Variants in SLC30A10 observed in about 807,000 individuals in gnomAD.
SLC30A10 encodes calcium/manganese antiporter SLC30A10.
Under a neutral mutation model 21.7 loss-of-function variants are expected in SLC30A10, and 8 were observed. That is an observed-to-expected ratio of 0.37 (90% confidence interval 0.22 to 0.67). SLC30A10 has a LOEUF of 0.67. Ranked by LOEUF, SLC30A10 falls within the 30% of genes least tolerant of loss-of-function variation. SLC30A10 has a pLI of 0.58. For synonymous variants in SLC30A10, 272 were observed against 279.4 expected, an observed-to-expected ratio of 0.97 and a Z score of 0.26; for missense variants, 521 against 642.5, an observed-to-expected ratio of 0.81 and a Z score of 2.04.
In SLC30A10 at chr1:219,915,224, C is replaced by T. The variant is rs568661768; in HGVS notation, c.*225G>A. ...TAGAAAATGCATGTTCAAGCTGAAA[C>T]AGTCAAAGAGCAGCATGAGACACCC... On this transcript the variant is annotated 3_prime_UTR_variant, in exon 4 of 4. Transcript: ENST00000366926. 3 of 570,728 alleles carry T rather than the reference C, an allele frequency of 5.3e-6. No individual in the cohort carries two copies. Among genetic ancestry groups the T allele is most frequent in the African/African-American group, 3.7e-5 (2 of 53,494 alleles). 35.4% of individuals were successfully genotyped at this position (570,728 alleles called of 1,614,324 possible).
intron 3 of SLC30A10, 116 bp from the exon 4 acceptor site, chr1:219,916,064 C>T (rs1229059529): frequency 2.1e-5 from 27 of 1,315,540 alleles, no homozygotes; most frequent in Non-Finnish European, 2.5e-5. Context: ...CTACTTACTA[C>T]GAACAGCTGG....
At chr1:219,948,892 C>CA (rs1324344107) in intron 1 of SLC30A10, among the ~76,000 whole-genome samples, 1 of 152,144 alleles carries the variant, frequency 6.6e-6, no homozygotes, top group Non-Finnish European at 1.5e-5. Context: ...CCAGAATCTA[C>CA]AAAAAACTCT....
rs1186812036 is a variant in SLC30A10, at chr1:219,915,857, G to A, written c.1050C>T (p.His350=). The change falls in exon 4 of 4, where the codon CAC becomes CAT. Residue 350 remains histidine (H), a synonymous_variant. Coordinates refer to ENST00000366926, the MANE Select transcript of SLC30A10 (RefSeq NM_018713.3). The part of the protein sequence containing the change: ...LVSGKIIATL[H]IKYPKDRGYQ... The stretch of plus-strand genomic sequence containing the variant: ...ATCCCCTGTCCTTAGGATACTTGAT[G>A]TGCAGGGTGGCAATAATCTTTCCAC... 3.1e-6 allele frequency: 5 copies of A among 1,614,090 alleles called. No homozygotes were observed. In the African/African-American group the frequency reaches 5.3e-5, roughly 17 times the overall value.
intron 2 of SLC30A10, among the ~76,000 whole-genome samples, chr1:219,926,381 T>C (rs1409492408): frequency 6.6e-6 from 1 of 152,228 alleles, no homozygotes; most frequent in African/African-American, 2.4e-5. Flanking sequence ...GCAAAGTCTA[T>C]GCCCAAGAAG....
chr1:219,930,110 C>T (rs1406543840), upstream of SLC30A10, among the ~76,000 whole-genome samples: 1 of 151,918 alleles, frequency 6.6e-6, no homozygotes, highest in Non-Finnish European at 1.5e-5. Context: ...GAAGAATACA[C>T]ATGTAGTTTT....
intron 2 of SLC30A10, among the ~76,000 whole-genome samples, chr1:219,923,263 C>T (rs1659739504): frequency 6.6e-6 from 1 of 152,196 alleles, no homozygotes; most frequent in Non-Finnish European, 1.5e-5. Context: ...ACTCAATCAC[C>T]TGCTAAGTTA....
intron 1 of SLC30A10, among the ~76,000 whole-genome samples, chr1:219,941,848 C>T (rs1660127099): frequency 1.3e-5 from 2 of 152,186 alleles, no homozygotes; most frequent in South Asian, 4.1e-4. Context: ...CAATGTCACT[C>T]GCTGGGAAAG....
rs1659495263 is a variant in SLC30A10 at position 219,914,843 on chromosome 1, T to C, written c.*606A>G. ...TCTCTCACCTCACAAAATGTAGAGA[T>C]GGCCAACGCCCTCCTACTAACCTTT... is the stretch of plus-strand genomic sequence containing the variant. On this transcript the variant is annotated 3_prime_UTR_variant, in exon 4 of 4. Transcript: ENST00000366926. The C allele has an allele frequency of 6.6e-6, 1 of 152,336 alleles. No homozygotes were observed. The highest frequency in any genetic ancestry group is 2.4e-5 in the African/African-American group (1 of 41,474). 9.4% of individuals were successfully genotyped at this position (152,336 alleles called of 1,614,324 possible).
intron 2 of SLC30A10, among the ~76,000 whole-genome samples, chr1:219,926,765 T>C (rs912411910): frequency 2.6e-5 from 4 of 152,180 alleles, no homozygotes; most frequent in Admixed American, 6.6e-5. Flanking sequence ...CCAAGTAAAG[T>C]AGTAACACAA....
chr1:219,956,830 A>G (rs1037027190), intron 1 of SLC30A10, among the ~76,000 whole-genome samples: 1 of 152,180 alleles, frequency 6.6e-6, no homozygotes, highest in Non-Finnish European at 1.5e-5. Flanking sequence ...ATTTTATAAA[A>G]ATAGAACTAT....
At chr1:219,922,174 G>GTGTGTGTTTTTGT (rs1558252048) in intron 2 of SLC30A10, among the ~76,000 whole-genome samples, 1 of 18,218 alleles carries the variant, frequency 5.5e-5, no homozygotes, top group Non-Finnish European at 1.1e-4. Context: ...GTGTGTGTGT[G>GTGTGTGTTTTTGT]TGTTTTTTTT....
At chr1:219,949,958 C>G (rs1281872823) in intron 1 of SLC30A10, among the ~76,000 whole-genome samples, 4 of 152,172 alleles carry the variant, frequency 2.6e-5, no homozygotes, top group African/African-American at 9.6e-5. Context: ...AAATAATAAG[C>G]TTACTTTCAC....
At chr1:219,947,395 G>A (rs901998241) in intron 1 of SLC30A10, among the ~76,000 whole-genome samples, 2 of 152,054 alleles carry the variant, frequency 1.3e-5, no homozygotes, top group Non-Finnish European at 2.9e-5. Context: ...GGTTGGGTAT[G>A]GTTGGCAGGC....
Position 219,943,127 on chromosome 1 carries a change from C to T in SLC30A10, n.80+15441G>A, listed in dbSNP as rs568580229. 8.5e-5 allele frequency among the ~76,000 whole-genome samples: 13 copies of T among 152,076 alleles called. No homozygotes were observed. In the South Asian group the frequency reaches 1.0e-3, roughly 12 times the overall value. ...TGAGAGAAGCAGCAAAAATAATAAA[C>T]AGAATCAGACATGCAAAAATTGCAG... is the stretch of plus-strand genomic sequence containing the variant. On this transcript the variant is annotated intron_variant and non_coding_transcript_variant, in intron 1 of 8. Transcript: ENST00000484239.
At chr1:219,933,877 C>T (rs895454207) in intron 1 of SLC30A10, among the ~76,000 whole-genome samples, 3 of 150,168 alleles carry the variant, frequency 2.0e-5, no homozygotes, top group Admixed American at 6.6e-5. Flanking sequence ...ATAGGCCAGG[C>T]GCAGTGACTC....
At chr1:219,933,123 T>A (rs1472227852), upstream of SLC30A10, among the ~76,000 whole-genome samples, 3 of 151,134 alleles carry the variant, frequency 2.0e-5, no homozygotes, top group African/African-American at 4.9e-5. Flanking sequence ...GTGGGCTATA[T>A]TTATAAGGGA....
intron 1 of SLC30A10, among the ~76,000 whole-genome samples, chr1:219,937,053 C>CAT (rs963315372): frequency 7.9e-5 from 12 of 152,048 alleles, no homozygotes; most frequent in African/African-American, 2.9e-4. Flanking sequence ...GGGTTATCTA[C>CAT]ATATATATAT....
At chr1:219,925,651 A>ATTT (rs1210071228) in intron 2 of SLC30A10, among the ~76,000 whole-genome samples, 10 of 48,282 alleles carry the variant, frequency 2.1e-4, no homozygotes, top group African/African-American at 7.0e-4. Context: ...ATATATATAT[A>ATTT]TTTTTTTTTT....
intron 1 of SLC30A10, among the ~76,000 whole-genome samples, chr1:219,943,042 C>T (rs915532550): frequency 6.6e-6 from 1 of 151,874 alleles, no homozygotes; most frequent in Non-Finnish European, 1.5e-5. Context: ...AAGACTCTGT[C>T]TCAAAAATAA....
Sources: allele counts gnomAD v4.1 joint callset (sites outside exome capture counted in the v4.1 genomes callset), GRCh38; gene constraint gnomAD v4.1.1; transcripts MANE v1.5; gene names NCBI Gene and HGNC (gene_info 2026-07-23, HGNC 2026-07-21).